Variants in CFAP47 observed in about 807,000 individuals in gnomAD.
CFAP47 encodes cilia and flagella associated protein 47, also known as cilia- and flagella-associated protein 47.
CFAP47 carries 29 observed loss-of-function variants against 148.1 expected under a neutral mutation model. That is an observed-to-expected ratio of 0.20 (90% CI 0.15 to 0.27). The LOEUF is 0.27. Ranked by LOEUF, CFAP47 falls within the 10% of genes least tolerant of loss-of-function variation. CFAP47 has a pLI of 1.00. For synonymous variants in CFAP47, 664 were observed against 577.3 expected, an observed-to-expected ratio of 1.15 and a Z score of -2.15; for missense variants, 1,872 against 1,697.5, an observed-to-expected ratio of 1.10 and a Z score of -1.81.
chrX:36,340,012 C>T (rs1407103499), intron 57 of CFAP47, among the ~76,000 whole-genome samples: 1 of 111,943 alleles, frequency 8.9e-6, no homozygotes, highest in African/African-American at 3.2e-5. Flanking sequence ...TTTCCTTTGA[C>T]AGTGTCTTCT....
chrX:36,055,149 T>C (rs1937545395), intron 26 of CFAP47, among the ~76,000 whole-genome samples: 1 of 110,359 alleles, frequency 9.1e-6, no homozygotes, highest in African/African-American at 3.3e-5. Flanking sequence ...TCAGTTTATT[T>C]ATTTATTTAT....
At chrX:35,943,584 A>T (rs781502754) in intron 3 of CFAP47, among the ~76,000 whole-genome samples, 1 of 111,519 alleles carries the variant, frequency 9.0e-6, no homozygotes, top group Non-Finnish European at 1.9e-5. Context: ...TGTACAAAGC[A>T]GTGCTCATCT....
chrX:36,045,976 A>T (rs1479774811), intron 25 of CFAP47, among the ~76,000 whole-genome samples: 2 of 111,752 alleles, frequency 1.8e-5, no homozygotes, highest in Non-Finnish European at 3.8e-5. Context: ...AGATAAGTTA[A>T]TTAGCTAAGT....
chrX:36,304,579 G>A (rs188454683), intron 54 of CFAP47, among the ~76,000 whole-genome samples: 2 of 110,632 alleles, frequency 1.8e-5, no homozygotes, highest in Non-Finnish European at 3.8e-5. Context: ...TTTTGTAATA[G>A]TTTCCAGTAT....
At chrX:36,370,756 A>C (rs191477662) in intron 62 of CFAP47, among the ~76,000 whole-genome samples, 32 of 111,427 alleles carry the variant, frequency 2.9e-4, no homozygotes, top group Non-Finnish European at 3.8e-5. Flanking sequence ...ATAGGAAAAC[A>C]GGCAGACCTA....
chrX:36,371,575 GTATA>G (rs200310269), intron 62 of CFAP47, among the ~76,000 whole-genome samples: 6 of 91,117 alleles, frequency 6.6e-5, no homozygotes, highest in South Asian at 5.4e-4. Context: ...ATATATGTGT[GTATA>G]TATATGTGTA....
intron 1 of CFAP47, among the ~76,000 whole-genome samples, chrX:35,924,519 GTATATATGCACA>G (rs200550389): frequency 0.01 from 1,047 of 100,130 alleles, 25 homozygotes; most frequent in African/African-American, 0.039. Flanking sequence ...ACATATATGT[GTATATATGCACA>G]TATATGTGCA....
intron 21 of CFAP47, among the ~76,000 whole-genome samples, chrX:36,003,826 A>G (rs938564338): frequency 5.4e-5 from 6 of 110,236 alleles, no homozygotes; most frequent in African/African-American, 2.0e-4. Context: ...AAGTCAAATT[A>G]TCCCTGTTTT....
At chrX:36,076,431 T>C (rs1280180709) in intron 29 of CFAP47, among the ~76,000 whole-genome samples, 2 of 105,176 alleles carry the variant, frequency 1.9e-5, no homozygotes, top group African/African-American at 6.9e-5. Flanking sequence ...ATAGCCATTC[T>C]GACTGGTGTG....
chrX:36,233,606 C>A (rs1229173540), intron 46 of CFAP47, among the ~76,000 whole-genome samples: 4 of 111,543 alleles, frequency 3.6e-5, no homozygotes, highest in Non-Finnish European at 7.5e-5. Flanking sequence ...AGCATTTAGT[C>A]CATTTACATT....
chrX:36,137,174 G>T (rs1015640379), intron 33 of CFAP47, among the ~76,000 whole-genome samples: 1 of 111,021 alleles, frequency 9.0e-6, no homozygotes. Flanking sequence ...GGAGTAGAGA[G>T]ATTTGAGGGA....
intron 45 of CFAP47, among the ~76,000 whole-genome samples, chrX:36,228,111 G>A: frequency 8.9e-6 from 1 of 111,789 alleles, no homozygotes; most frequent in South Asian, 3.7e-4. Context: ...TATTTTGATT[G>A]CTGTGAGACA....
At chrX:36,234,605 T>G (rs1352954056) in intron 46 of CFAP47, among the ~76,000 whole-genome samples, 3 of 112,503 alleles carry the variant, frequency 2.7e-5, no homozygotes, top group African/African-American at 9.7e-5. Flanking sequence ...GAGGCCTTCT[T>G]CTCTCAACTC....
chrX:36,367,183 A>G, intron 62 of CFAP47, 56 bp downstream of exon 62: 1 of 858,952 alleles, frequency 1.2e-6, no homozygotes, highest in Non-Finnish European at 1.6e-6. Flanking sequence ...GAACTTTGGA[A>G]TGAAATTTAA....
chrX:36,098,562 C>T (rs1438727432), intron 30 of CFAP47, among the ~76,000 whole-genome samples: 2 of 111,508 alleles, frequency 1.8e-5, no homozygotes, highest in African/African-American at 6.5e-5. Context: ...TGAGCTGGCA[C>T]TCAAACCATA....
At chrX:36,206,941 A>C (rs781860336) in intron 45 of CFAP47, among the ~76,000 whole-genome samples, 1 of 112,543 alleles carries the variant, frequency 8.9e-6, no homozygotes, top group African/African-American at 3.2e-5. Flanking sequence ...GAGATTATAA[A>C]GGGATCTTTT....
At chrX:35,926,204 A>G (rs748024275) in intron 2 of CFAP47, 36 bp downstream of exon 2, 6 of 1,060,982 alleles carry the variant, frequency 5.7e-6, no homozygotes, top group Non-Finnish European at 7.7e-6. Flanking sequence ...GACATTTTGA[A>G]TACTCTTTAA....
At chrX:36,162,465 A>T (rs1315378828) in intron 39 of CFAP47, among the ~76,000 whole-genome samples, 1 of 111,900 alleles carries the variant, frequency 8.9e-6, no homozygotes, top group Non-Finnish European at 1.9e-5. Flanking sequence ...ATATAACAAG[A>T]GACCCAGTTT....
intron 15 of CFAP47, among the ~76,000 whole-genome samples, chrX:35,985,277 A>G (rs1427541482): frequency 1.8e-5 from 2 of 111,024 alleles, no homozygotes; most frequent in Non-Finnish European, 3.8e-5. Context: ...TCTGCTGGCC[A>G]CAACATTCCT....
Sources: allele counts gnomAD v4.1 joint callset (sites outside exome capture counted in the v4.1 genomes callset), GRCh38; gene constraint gnomAD v4.1.1; transcripts MANE v1.5; gene names NCBI Gene and HGNC (gene_info 2026-07-23, HGNC 2026-07-21).